AFG1L: variants seen among roughly 807,000 people sequenced by gnomAD.
AFG1L encodes AFG1-like ATPase.
In AFG1L, 53 loss-of-function variants were observed where a neutral mutation model predicts 62.2. That is an observed-to-expected ratio of 0.85 (90% CI 0.68 to 1.07). The LOEUF (loss-of-function observed/expected upper bound fraction) is 1.07. Ranked by LOEUF, AFG1L falls within the 50% of genes least tolerant of loss-of-function variation. AFG1L has a pLI of 0.00. For synonymous variants in AFG1L, 228 were observed against 210.3 expected, an observed-to-expected ratio of 1.08 and a Z score of -0.73; for missense variants, 555 against 590.5, an observed-to-expected ratio of 0.94 and a Z score of 0.62.
intron 8 of AFG1L, among the ~76,000 whole-genome samples, chr6:108,451,393 C>T (rs1772048837): frequency 6.6e-6 from 1 of 152,172 alleles, no homozygotes; most frequent in Non-Finnish European, 1.5e-5. Flanking sequence ...GGAGCAATTT[C>T]TGTAGTTCAT....
chr6:108,347,588 T>C (rs935866079), intron 3 of AFG1L, among the ~76,000 whole-genome samples: 1 of 152,208 alleles, frequency 6.6e-6, no homozygotes, highest in Non-Finnish European at 1.5e-5. Flanking sequence ...ACTTTCTGAG[T>C]GGTCACTTCT....
chr6:108,421,738 G>A (rs751629828), intron 7 of AFG1L, among the ~76,000 whole-genome samples: 7 of 152,072 alleles, frequency 4.6e-5, no homozygotes, highest in Non-Finnish European at 7.4e-5. Context: ...AGGGCTCAGA[G>A]GAAGCCATCT....
chr6:108,324,507 C>T (rs1159573830), intron 2 of AFG1L, among the ~76,000 whole-genome samples: 1 of 152,170 alleles, frequency 6.6e-6, no homozygotes, highest in African/African-American at 2.4e-5. Flanking sequence ...ATGGTAGATG[C>T]TGACGTGCTA....
At chr6:108,443,162 T>C (rs1771618613) in intron 7 of AFG1L, among the ~76,000 whole-genome samples, 1 of 152,218 alleles carries the variant, frequency 6.6e-6, no homozygotes. Context: ...AAGGCTCAGC[T>C]GGCAATTCTG....
At position 108,525,609 on chromosome 6, in the gene AFG1L, G is replaced by T. The variant is rs1296153790; in HGVS notation, c.*3184G>T. ...ACACATGATGTTTTCTGTGTCCTGG[G>T]CATGGTTCTATGTGCTTTATAAATA... On this transcript the variant is annotated 3_prime_UTR_variant, in exon 13 of 13. Transcript: ENST00000368977. 6.6e-6 allele frequency: 1 copy of T among 152,050 alleles called. No individual in the cohort carries two copies. The highest frequency in any genetic ancestry group is 1.9e-4 in the East Asian group (1 of 5,190). The allele number at this position is 152,050 out of a possible 1,614,324, so 9.4% of individuals were successfully genotyped here. A position where few individuals can be genotyped will look rare whatever the true frequency, so the allele number is the denominator to read the frequency against.
At chr6:108,405,605 C>T (rs1562138939) in intron 7 of AFG1L, among the ~76,000 whole-genome samples, 1 of 152,220 alleles carries the variant, frequency 6.6e-6, no homozygotes, top group Non-Finnish European at 1.5e-5. Context: ...CCTCCACCTC[C>T]CAAAGTGTTG....
At chr6:108,515,237 A>G (rs1010090800) in intron 11 of AFG1L, among the ~76,000 whole-genome samples, 1 of 152,216 alleles carries the variant, frequency 6.6e-6, no homozygotes, top group Non-Finnish European at 1.5e-5. Context: ...AATTGACCAC[A>G]TAGTTGGAAG....
chr6:108,506,659 C>T (rs1391052078), intron 10 of AFG1L, among the ~76,000 whole-genome samples: 2 of 152,208 alleles, frequency 1.3e-5, no homozygotes, highest in Non-Finnish European at 2.9e-5. Flanking sequence ...AGGCGTGAGC[C>T]ACTGGGCCTG....
intron 8 of AFG1L, among the ~76,000 whole-genome samples, chr6:108,452,046 T>C (rs1319244687): frequency 4.6e-5 from 7 of 152,170 alleles, no homozygotes; most frequent in African/African-American, 1.7e-4. Flanking sequence ...GCTTGGTGAA[T>C]AGCACTCAAC....
intron 10 of AFG1L, among the ~76,000 whole-genome samples, chr6:108,499,191 C>T (rs1774091970): frequency 6.6e-6 from 1 of 151,240 alleles, no homozygotes; most frequent in Non-Finnish European, 1.5e-5. Context: ...ACCTCAGCCT[C>T]CCAAGTAGCT....
At chr6:108,439,752 T>G (rs1022860598) in intron 7 of AFG1L, among the ~76,000 whole-genome samples, 60 of 152,192 alleles carry the variant, frequency 3.9e-4, no homozygotes, top group African/African-American at 1.3e-3. Flanking sequence ...ATGTATTGAA[T>G]TTTCTTATAT....
chr6:108,450,208 A>T (rs541369619), intron 8 of AFG1L, among the ~76,000 whole-genome samples: 14 of 152,360 alleles, frequency 9.2e-5, no homozygotes, highest in Middle Eastern at 3.4e-3. Context: ...ACTAGTTTAC[A>T]TTCCCACCAA....
intron 10 of AFG1L, among the ~76,000 whole-genome samples, chr6:108,502,368 G>A (rs1774241194): frequency 6.6e-6 from 1 of 152,134 alleles, no homozygotes; most frequent in Non-Finnish European, 1.5e-5. Flanking sequence ...AGCATGCCTG[G>A]CTAATTTTGT....
rs1000233464 is a variant in AFG1L at position 108,449,262 on chromosome 6, T to TTATC, written c.890+1982_890+1985dup. On this transcript the variant is annotated intron_variant, in intron 8 of 12. Transcript: ENST00000368977. Reference sequence around the variant, plus strand: ...ATATAGATAGATAGATGTCTATCTATTATCTATCTATCTATCTATTCATTT... The same window carrying TTATC: ...ATATAGATAGATAGATGTCTATCTATTATCTATCTATCTATCTATCTATTCATTT... Among the ~76,000 whole-genome samples, 7 of 151,908 alleles carry TTATC rather than the reference T, an allele frequency of 4.6e-5. No individual in the cohort carries two copies. In the South Asian group the frequency reaches 6.2e-4, roughly 13 times the overall value.
intron 1 of AFG1L, among the ~76,000 whole-genome samples, chr6:108,317,816 T>A (rs1777662778): frequency 3.3e-5 from 5 of 152,296 alleles, no homozygotes; most frequent in Admixed American, 3.3e-4. Context: ...CCAGGAATGA[T>A]CAGGCAGAGC....
intron 2 of AFG1L, among the ~76,000 whole-genome samples, chr6:108,329,362 G>A (rs1474182072): frequency 6.6e-6 from 1 of 151,846 alleles, no homozygotes; most frequent in African/African-American, 2.4e-5. Context: ...GCAATGGTGC[G>A]ATCTTGGCTC....
Position 108,320,986 on chromosome 6 carries a change from C to T in AFG1L, c.140-2839C>T, listed in dbSNP as rs549691373. On this transcript the variant is annotated intron_variant, in intron 1 of 12. Transcript: ENST00000368977. ...GTCTAAAAGAGGGGGTGGAGAAGAG[C>T]GTTTTTCTCTTGTGAGATTCTCAAA... is the stretch of plus-strand genomic sequence containing the variant. Among the ~76,000 whole-genome samples the T allele has an allele frequency of 1.6e-4, 25 of 152,244 alleles. No individual in the cohort carries two copies. In the South Asian group the frequency reaches 4.8e-3, roughly 29 times the overall value.
chr6:108,493,339 G>T (rs867503001), intron 10 of AFG1L, among the ~76,000 whole-genome samples: 4 of 152,214 alleles, frequency 2.6e-5, no homozygotes, highest in Admixed American at 6.5e-5. Context: ...GAGCCAAGGT[G>T]TGTGAAGACC....
At chr6:108,467,041 T>A (rs1279977242) in intron 8 of AFG1L, among the ~76,000 whole-genome samples, 1 of 151,978 alleles carries the variant, frequency 6.6e-6, no homozygotes, top group Non-Finnish European at 1.5e-5. Context: ...TATGAAGCAA[T>A]ATGTACTTAT....
Sources: gnomAD v4.1 joint callset for allele counts (sites outside exome capture counted in the v4.1 genomes callset) on GRCh38, gnomAD v4.1.1 for gene constraint, MANE v1.5 for transcripts, NCBI Gene and HGNC (gene_info 2026-07-23, HGNC 2026-07-21) for gene names.